The following PIK3R4 variants were observed in gnomAD, a reference collection of about 807,000 sequenced individuals.
The protein encoded by PIK3R4 is phosphoinositide-3-kinase regulatory subunit 4.
A neutral mutation model predicts 136.5 loss-of-function variants in PIK3R4; 46 were observed. The ratio of observed to expected loss-of-function variants is 0.34; its 90% confidence interval spans 0.27 to 0.43. The LOEUF (loss-of-function observed/expected upper bound fraction) is 0.43. PIK3R4 is among the 20% of genes least tolerant of loss of function. PIK3R4 has a pLI of 1.00. For missense variants in PIK3R4, 1,331 were observed against 1,649.5 expected (o/e 0.81, Z 3.35); for synonymous variants, 557 against 566.7 (o/e 0.98, Z 0.24).
At chr3:130,691,093 G>A (rs1414022364) in intron 13 of PIK3R4, among the ~76,000 whole-genome samples, 2 of 151,790 alleles carry the variant, frequency 1.3e-5, no homozygotes, top group Admixed American at 1.3e-4. Flanking sequence ...ATGGGGTTTC[G>A]CCATGTTGCC....
intron 13 of PIK3R4, among the ~76,000 whole-genome samples, chr3:130,698,084 T>C (rs6767298): frequency 0.019 from 2,962 of 152,336 alleles, 97 homozygotes; most frequent in African/African-American, 0.067. Flanking sequence ...GTTAATTTTA[T>C]AGAACATCCC....
chr3:130,698,431 C>A (rs1207382584), intron 13 of PIK3R4, among the ~76,000 whole-genome samples: 1 of 152,234 alleles, frequency 6.6e-6, no homozygotes, highest in South Asian at 2.1e-4. Context: ...ATAATACCAA[C>A]CATCTTCAAA....
chr3:130,743,221 G>C (rs1193582904), intron 2 of PIK3R4, among the ~76,000 whole-genome samples: 1 of 151,654 alleles, frequency 6.6e-6, no homozygotes, highest in Admixed American at 6.6e-5. Context: ...GAACATTCTG[G>C]GCAACACAGT....
At position 130,705,627 on chromosome 3, in the gene PIK3R4, T is replaced by G. The variant is rs748053061; in HGVS notation, c.2866A>C (p.Asn956His). The G allele has an allele frequency of 3.7e-6, 6 of 1,613,860 alleles. No individual in the cohort carries two copies. The highest frequency in any genetic ancestry group is 4.2e-6 in the Non-Finnish European group (5 of 1,179,722). Residue 956 changes from asparagine (N) to histidine (H), a missense_variant, in exon 12 of 20, where the codon AAT (asparagine) becomes CAT (histidine). Coordinates refer to ENST00000356763, the MANE Select transcript of PIK3R4 (RefSeq NM_014602.3). Reference sequence around the variant, plus strand: ...ATCTGCTTAGCTATTCTCTCAGCATTGCACTGCTCCCGCTTTTGCTGGATG... The same window carrying G: ...ATCTGCTTAGCTATTCTCTCAGCATGGCACTGCTCCCGCTTTTGCTGGATG... ...QLIQQKREQC[N>H]AERIAKQMME...
chr3:130,719,523 G>A (rs957265926), intron 7 of PIK3R4, among the ~76,000 whole-genome samples: 8 of 152,132 alleles, frequency 5.3e-5, no homozygotes, highest in African/African-American at 1.9e-4. Flanking sequence ...TATAAATGAA[G>A]AAGATTTTGT....
rs2066437706 is a variant in PIK3R4, at chr3:130,679,152, C to A, written c.*163G>T. ...GATGCATAAGTAAACTAGTCAAGTA[C>A]ATCTTAACCATTTTGGGTGTCATTT... On this transcript the variant is annotated 3_prime_UTR_variant, in exon 20 of 20. Transcript: ENST00000356763. 4.9e-6 allele frequency: 2 copies of A among 405,086 alleles called. No individual in the cohort carries two copies. The highest frequency in any genetic ancestry group is 7.3e-5 in the South Asian group (1 of 13,646). The allele number at this position is 405,086 out of a possible 1,614,324, so 25.1% of individuals were successfully genotyped here.
intron 7 of PIK3R4, among the ~76,000 whole-genome samples, chr3:130,719,444 C>T (rs1178255140): frequency 1.3e-5 from 2 of 152,110 alleles, no homozygotes; most frequent in African/African-American, 4.8e-5. Flanking sequence ...CTTATATTAA[C>T]AGGGGAAGGA....
chr3:130,692,750 A>C (rs911718006), intron 13 of PIK3R4, among the ~76,000 whole-genome samples: 10 of 152,232 alleles, frequency 6.6e-5, no homozygotes, highest in Non-Finnish European at 1.3e-4. Flanking sequence ...TAAATGAGTA[A>C]AGACAGCCAG....
intron 6 of PIK3R4, among the ~76,000 whole-genome samples, chr3:130,728,089 CAT>C (rs74731884): frequency 0.024 from 3,668 of 152,240 alleles, 137 homozygotes; most frequent in East Asian, 0.1. Context: ...CTTTTATTAA[CAT>C]GTTTATAAAC....
Position 130,703,652 on chromosome 3 carries a change from ATAGAG to A in PIK3R4, c.3098+66_3098+70del, listed in dbSNP as rs547423296. The A allele has an allele frequency of 3.0e-4, 344 of 1,165,290 alleles. 3 individuals carry two copies. Among genetic ancestry groups the A allele is most frequent in the South Asian group, 2.8e-3 (205 of 72,228 alleles). 72.2% of individuals were successfully genotyped at this position (1,165,290 alleles called of 1,614,324 possible). ...CCTGGTACCCAAAACAGTGGTTATT[ATAGAG>A]TAAACACTCAATAAACATTTGTTGA... On this transcript the variant is annotated intron_variant, in intron 13 of 19. Coordinates refer to ENST00000356763, the MANE Select transcript of PIK3R4 (RefSeq NM_014602.3).
At chr3:130,743,846 G>A (rs1576466046) in intron 2 of PIK3R4, among the ~76,000 whole-genome samples, 1 of 152,142 alleles carries the variant, frequency 6.6e-6, no homozygotes, top group Admixed American at 6.5e-5. Context: ...GACCCTTTCT[G>A]ATCTGGCTGA....
chr3:130,692,588 ATCCAT>A lies in PIK3R4; in HGVS notation c.3099-1939_3099-1935del, dbSNP rs367904476. On this transcript the variant is annotated intron_variant, in intron 13 of 19. Coordinates refer to ENST00000356763, the MANE Select transcript of PIK3R4 (RefSeq NM_014602.3). ...TGTATGGCTACATCACATTTTGCTT[ATCCAT>A]TCATCTGCTGATAAACATGTGAGTC... 3.4e-3 allele frequency among the ~76,000 whole-genome samples: 522 copies of A among 152,332 alleles called. 3 individuals are homozygous for A. Among genetic ancestry groups the A allele is most frequent in the African/African-American group, 0.012 (501 of 41,572 alleles).
chr3:130,702,899 A>C (rs1236640180), intron 13 of PIK3R4, among the ~76,000 whole-genome samples: 1 of 152,120 alleles, frequency 6.6e-6, no homozygotes, highest in Non-Finnish European at 1.5e-5. Context: ...CCATTCTATA[A>C]TTTTTTTACT....
At chr3:130,684,929 A>G (rs7644674) in intron 15 of PIK3R4, among the ~76,000 whole-genome samples, 1 of 152,226 alleles carries the variant, frequency 6.6e-6, no homozygotes, top group Admixed American at 6.5e-5. Context: ...AAAAAAATGC[A>G]TTCCATATAA....
intron 6 of PIK3R4, among the ~76,000 whole-genome samples, chr3:130,727,593 T>C (rs550275357): frequency 2.6e-5 from 4 of 152,332 alleles, no homozygotes; most frequent in Admixed American, 6.5e-5. Flanking sequence ...TTGTGCAGAA[T>C]AGTCTTTAAA....
At chr3:130,679,815 C>T (rs575778409) in intron 19 of PIK3R4, among the ~76,000 whole-genome samples, 8 of 152,070 alleles carry the variant, frequency 5.3e-5, no homozygotes, top group African/African-American at 9.7e-5. Context: ...CGGTGGGTCA[C>T]GCCTATAATC....
intron 11 of PIK3R4, among the ~76,000 whole-genome samples, 178 bp from the exon 12 acceptor site, chr3:130,705,949 G>C (rs1163070146): frequency 6.6e-6 from 1 of 150,996 alleles, no homozygotes; most frequent in Non-Finnish European, 1.5e-5. Context: ...TTAAAATGAA[G>C]TATAACCACA....
intron 7 of PIK3R4, among the ~76,000 whole-genome samples, chr3:130,722,662 C>A (rs2066708335): frequency 6.6e-6 from 1 of 152,036 alleles, no homozygotes; most frequent in South Asian, 2.1e-4. Context: ...CAGTGACAGA[C>A]CCTTCACATC....
At chr3:130,689,378 T>C (rs746805837) in intron 14 of PIK3R4, among the ~76,000 whole-genome samples, 9 of 152,292 alleles carry the variant, frequency 5.9e-5, no homozygotes, top group South Asian at 4.1e-4. Context: ...TGAAACTCAA[T>C]AGATATGTTA....
Sources: allele counts gnomAD v4.1 joint callset (sites outside exome capture counted in the v4.1 genomes callset), GRCh38; gene constraint gnomAD v4.1.1; transcripts MANE v1.5; gene names NCBI Gene and HGNC (gene_info 2026-07-23, HGNC 2026-07-21).